The following IGF1R variants were observed in gnomAD, a reference collection of about 807,000 sequenced individuals.
IGF1R encodes the protein insulin-like growth factor 1 receptor.
A neutral mutation model predicts 144.6 loss-of-function variants in IGF1R; 44 were observed. The observed-to-expected ratio is 0.30, with a 90% CI of 0.24 to 0.39. The LOEUF is 0.39. Ranked by LOEUF, IGF1R falls within the 10% of genes least tolerant of loss-of-function variation. The pLI, the probability that IGF1R is intolerant of heterozygous loss-of-function variation, is 1.00. For missense variants in IGF1R, 1,355 were observed against 1,833.7 expected, an observed-to-expected ratio of 0.74 and a Z score of 4.77; for synonymous variants, 795 against 722.8, an observed-to-expected ratio of 1.10 and a Z score of -1.60.
intron 1 of IGF1R, among the ~76,000 whole-genome samples, chr15:98,695,771 A>G (rs2053581220): frequency 6.6e-6 from 1 of 151,392 alleles, no homozygotes; most frequent in African/African-American, 2.4e-5. Context: ...GTGTTGATCT[A>G]AGTTCTCTGT....
intron 2 of IGF1R, among the ~76,000 whole-genome samples, chr15:98,864,180 A>G (rs1475249728): frequency 1.3e-5 from 2 of 152,144 alleles, no homozygotes; most frequent in African/African-American, 4.8e-5. Flanking sequence ...ACCTGAGTTC[A>G]GGAGGTCAAA....
chr15:98,875,129 A>T (rs2012990450), intron 2 of IGF1R, among the ~76,000 whole-genome samples: 1 of 151,988 alleles, frequency 6.6e-6, no homozygotes, highest in Non-Finnish European at 1.5e-5. Context: ...CGGCTCCGGG[A>T]CGAGGATGCT....
At chr15:98,809,786 G>A (rs182182564) in intron 2 of IGF1R, among the ~76,000 whole-genome samples, 1 of 152,306 alleles carries the variant, frequency 6.6e-6, no homozygotes, top group East Asian at 1.9e-4. Context: ...GGACACAGCT[G>A]CTTTGGAGGA....
intron 2 of IGF1R, 42 bp downstream of exon 2, chr15:98,708,149 T>A: frequency 6.6e-7 from 1 of 1,521,314 alleles, no homozygotes; most frequent in Non-Finnish European, 9.1e-7. Flanking sequence ...TGCCTCTCTC[T>A]CTCCTCTCCT....
intron 2 of IGF1R, among the ~76,000 whole-genome samples, chr15:98,805,628 C>T (rs997133089): frequency 6.6e-6 from 1 of 152,140 alleles, no homozygotes; most frequent in Non-Finnish European, 1.5e-5. Flanking sequence ...TCTGTGATAA[C>T]TCAAGGTCAG....
chr15:98,863,275 T>C (rs1173741121), intron 2 of IGF1R, among the ~76,000 whole-genome samples: 1 of 152,190 alleles, frequency 6.6e-6, no homozygotes, highest in East Asian at 1.9e-4. Flanking sequence ...AGGAGATGCG[T>C]GATGTTTCCT....
chr15:98,785,026 T>TACAC (rs1398253787), intron 2 of IGF1R, among the ~76,000 whole-genome samples: 2 of 152,174 alleles, frequency 1.3e-5, no homozygotes, highest in African/African-American at 2.4e-5. Flanking sequence ...TTCATGTGTA[T>TACAC]ATATATATGT....
chr15:98,814,135 C>A (rs943014821), intron 2 of IGF1R, among the ~76,000 whole-genome samples: 2 of 152,064 alleles, frequency 1.3e-5, no homozygotes, highest in African/African-American at 4.8e-5. Context: ...GGTTATTAAC[C>A]ATACATAGCA....
intron 2 of IGF1R, among the ~76,000 whole-genome samples, chr15:98,840,839 C>A (rs1298837544): frequency 6.6e-6 from 1 of 152,088 alleles, no homozygotes; most frequent in African/African-American, 2.4e-5. Context: ...TGCCACCACG[C>A]CTGGCTAACT....
Position 98,707,422 on chromosome 15 carries a change from C to G in IGF1R, c.95-140C>G. On this transcript the variant is annotated intron_variant, in intron 1 of 20. Coordinates refer to ENST00000650285, the MANE Select transcript of IGF1R (RefSeq NM_000875.5). The surrounding 1 kb of genome is among the most constrained non-coding windows in gnomAD (Gnocchi z 6.7). ...ACCTAAACTGTCAGTCTGCAACCCA[C>G]AGCTCTGCAGTGAACAATTGAACCT... 2 of 892,604 alleles carry G rather than the reference C, an allele frequency of 2.2e-6. No individual in the cohort carries two copies. The highest frequency in any genetic ancestry group is 1.5e-5 in the South Asian group (1 of 68,018). The allele number at this position is 892,604 out of a possible 1,614,324, so 55.3% of individuals were successfully genotyped here.
At chr15:98,901,297 G>C (rs748992372) in intron 5 of IGF1R, among the ~76,000 whole-genome samples, 9 of 152,196 alleles carry the variant, frequency 5.9e-5, no homozygotes, top group Non-Finnish European at 1.2e-4. Context: ...TAGTCCTGCA[G>C]CTCCAAGGAT....
chr15:98,712,138 T>C (rs969427856), intron 2 of IGF1R, among the ~76,000 whole-genome samples: 2 of 152,118 alleles, frequency 1.3e-5, no homozygotes, highest in African/African-American at 4.8e-5. Context: ...TGGGCTCTCT[T>C]TTCACTTTCC....
intron 2 of IGF1R, among the ~76,000 whole-genome samples, chr15:98,836,029 A>G (rs1288443236): frequency 2.6e-5 from 4 of 151,940 alleles, no homozygotes; most frequent in Non-Finnish European, 5.9e-5. Flanking sequence ...TTCTTCCATC[A>G]CTCTCCATTC....
At chr15:98,689,827 A>C (rs1350536861) in intron 1 of IGF1R, among the ~76,000 whole-genome samples, 56 of 152,116 alleles carry the variant, frequency 3.7e-4, no homozygotes, top group Non-Finnish European at 1.5e-4. Flanking sequence ...CAGCGGTGTG[A>C]GTGAGGGCAG....
chr15:98,652,697 G>A (rs2052398480), intron 1 of IGF1R, among the ~76,000 whole-genome samples: 1 of 152,176 alleles, frequency 6.6e-6, no homozygotes, highest in African/African-American at 2.4e-5. Flanking sequence ...TATGTGAAAT[G>A]TCTAGAATAA....
intron 2 of IGF1R, among the ~76,000 whole-genome samples, chr15:98,782,033 G>A (rs1195243424): frequency 6.6e-6 from 1 of 151,918 alleles, no homozygotes; most frequent in African/African-American, 2.4e-5. Flanking sequence ...TTGCTGTGTT[G>A]CCCTGTCTGC....
intron 2 of IGF1R, among the ~76,000 whole-genome samples, chr15:98,830,849 C>A (rs568696604): frequency 6.6e-6 from 1 of 152,302 alleles, no homozygotes; most frequent in South Asian, 2.1e-4. Context: ...GGTGATCCCC[C>A]CACCCTGGCT....
chr15:98,669,076 T>G (rs181514433), intron 1 of IGF1R, among the ~76,000 whole-genome samples: 23 of 152,348 alleles, frequency 1.5e-4, no homozygotes, highest in Admixed American at 5.9e-4. Context: ...TCGTGATGAG[T>G]CACTCCTATG....
rs773329369 is a variant in IGF1R, at chr15:98,922,284, A to G, written c.2338A>G (p.Ser780Gly). 6.2e-7 allele frequency: 1 copy of G among 1,614,160 alleles called. No individual in the cohort carries two copies. Among genetic ancestry groups the G allele is most frequent in the South Asian group, 1.1e-5 (1 of 91,078 alleles). Residue 780 changes from serine (S) to glycine (G), a missense_variant, in exon 11 of 21, where the codon AGC becomes GGC. By Grantham distance (56) the Ser-to-Gly change is moderately conservative. Coordinates refer to ENST00000650285, the MANE Select transcript of IGF1R (RefSeq NM_000875.5). ...GGAGACAGAGTACCCTTTCTTTGAG[A>G]GCAGAGTGGATAACAAGGAGAGAAC... ...ELETEYPFFE[S>G]RVDNKERTVI...
Sources: gnomAD v4.1 joint callset for allele counts (sites outside exome capture counted in the v4.1 genomes callset) on GRCh38, gnomAD v4.1.1 for gene constraint, Gnocchi (gnomAD v3.1) non-coding constraint, MANE v1.5 for transcripts, NCBI Gene and HGNC (gene_info 2026-07-23, HGNC 2026-07-21) for gene names.